Variants in MACF1 observed in about 807,000 individuals in gnomAD.
MACF1 encodes microtubule-actin cross-linking factor 1.
Under a neutral mutation model 854.8 loss-of-function variants are expected in MACF1, and 193 were observed. The ratio of observed to expected loss-of-function variants is 0.23; its 90% CI spans 0.20 to 0.25. The LOEUF is 0.25. Among genes scored for constraint, MACF1 ranks in the 10% least tolerant of loss-of-function variants. The pLI, the probability that MACF1 is intolerant of heterozygous loss-of-function variation, is 1.00. For synonymous variants in MACF1, 3,185 were observed against 3,226.7 expected, an observed-to-expected ratio of 0.99 and a Z score of 0.44; for missense variants, 7,722 against 8,929.1, an observed-to-expected ratio of 0.86 and a Z score of 5.45.
At chr1:39,156,862 TACTC>T (rs1300420011) in intron 2 of MACF1, among the ~76,000 whole-genome samples, 16 of 152,366 alleles carry the variant, frequency 1.1e-4, no homozygotes, top group Admixed American at 7.2e-4. Context: ...TAACTCCTAA[TACTC>T]ACATCTGCAC....
chr1:39,386,593 G>A (rs1432350202), intron 57 of MACF1, among the ~76,000 whole-genome samples: 1 of 152,146 alleles, frequency 6.6e-6, no homozygotes, highest in Admixed American at 6.6e-5. Context: ...CACCATGCCT[G>A]GCTAATTTTT....
At chr1:39,294,577 G>T (rs1645862124) in intron 18 of MACF1, among the ~76,000 whole-genome samples, 1 of 152,210 alleles carries the variant, frequency 6.6e-6, no homozygotes, top group Admixed American at 6.5e-5. Flanking sequence ...TGCTCTGAAA[G>T]CATAGTAAGG....
chr1:39,316,541 T>A lies in MACF1; in HGVS notation c.3588+12T>A, dbSNP rs779081068. The A allele has an allele frequency of 6.2e-7, 1 of 1,608,522 alleles. No individual in the cohort carries two copies. The highest frequency in any genetic ancestry group is 8.5e-7 in the Non-Finnish European group (1 of 1,176,616). ...GGTCGACATTACGGGTGAGTTGCTC[T>A]GAGTTTCTTAGGAGGTTGACCTAAC... On this transcript the variant is annotated intron_variant, in intron 28 of 100. Coordinates refer to ENST00000564288, the MANE Select transcript of MACF1 (RefSeq NM_001394062.1).
At chr1:39,401,862 A>G (rs972914432) in intron 58 of MACF1, among the ~76,000 whole-genome samples, 1 of 152,222 alleles carries the variant, frequency 6.6e-6, no homozygotes, top group Non-Finnish European at 1.5e-5. Flanking sequence ...AATGAAAGAG[A>G]TGGTTTTTAG....
chr1:39,196,161 C>T (rs1644317679), intron 2 of MACF1, among the ~76,000 whole-genome samples: 1 of 152,052 alleles, frequency 6.6e-6, no homozygotes, highest in Admixed American at 6.6e-5. Context: ...GTAACTTGCC[C>T]AAAGATGCTA....
At position 39,432,208 on chromosome 1, in the gene MACF1, G is replaced by C. The variant is rs540334708; in HGVS notation, c.17338-327G>C. Among the ~76,000 whole-genome samples the C allele has an allele frequency of 1.3e-4, 20 of 152,270 alleles. No individual in the cohort carries two copies. In the South Asian group the frequency reaches 3.7e-3, roughly 28 times the overall value. ...TAAACCTACTACTGTTCCATGTCTG[G>C]GTAGGAAAGAGCAATGGCAGGAAGA... On this transcript the variant is annotated intron_variant, in intron 66 of 100. Transcript: ENST00000564288.
intron 2 of MACF1, among the ~76,000 whole-genome samples, chr1:39,124,246 G>T (rs930317183): frequency 6.6e-6 from 1 of 152,084 alleles, no homozygotes; most frequent in African/African-American, 2.4e-5. Context: ...CCAAGTTTGT[G>T]ATTAGGTGGT....
At chr1:39,100,915 C>CGTGT (rs146599271) in intron 2 of MACF1, among the ~76,000 whole-genome samples, 11,782 of 151,310 alleles carry the variant, frequency 0.078, 530 homozygotes, top group Non-Finnish European at 0.095. Flanking sequence ...TGCACGCGCG[C>CGTGT]GTGTGTGTGT....
Position 39,477,832 on chromosome 1 carries a change from C to T in MACF1, c.21959-1966C>T, listed in dbSNP as rs574628682. Among the ~76,000 whole-genome samples, 4 of 152,214 alleles carry T rather than the reference C, an allele frequency of 2.6e-5. No individual in the cohort carries two copies. The East Asian group carries it at 7.7e-4, about 29-fold the overall frequency. The stretch of plus-strand genomic sequence containing the variant: ...AATTACAGTCAGCTGCATTATTGCA[C>T]ATTCTGTGAACTGTGCAGTGCATAG... On this transcript the variant is annotated intron_variant, in intron 97 of 100. Coordinates refer to ENST00000564288, the MANE Select transcript of MACF1 (RefSeq NM_001394062.1).
At chr1:39,310,533 T>C in intron 25 of MACF1, 105 bp downstream of exon 25, 1 of 1,218,912 alleles carries the variant, frequency 8.2e-7, no homozygotes, top group Non-Finnish European at 1.1e-6. Context: ...ACCACTTTTT[T>C]CCATTTGAGT....
In MACF1 at chr1:39,322,950, T is replaced by C. The variant is rs1646540655; in HGVS notation, c.4178T>C (p.Leu1393Ser). The stretch of plus-strand genomic sequence containing the variant: ...ACTCGCTACACGGCATTGGTGACTT[T>C]AACAACTCAGCACGTGAAATACATC... ...LRTRYTALVT[L>S]TTQHVKYISD... Residue 1393 changes from leucine to serine, a missense_variant, in exon 33 of 101, where the codon TTA becomes TCA. By Grantham distance (145) the Leu-to-Ser change is moderately radical (BLOSUM62 -2). This residue lies in a region of MACF1 where 1,137 missense variants were observed against 1,263.0 expected (regional missense o/e 0.90). Transcript: ENST00000564288. 8 of 1,614,000 alleles carry C rather than the reference T, an allele frequency of 5.0e-6. No individual in the cohort carries two copies. The highest frequency in any genetic ancestry group is 6.8e-6 in the Non-Finnish European group (8 of 1,179,994).
chr1:39,161,828 C>G (rs1449896526), intron 2 of MACF1, among the ~76,000 whole-genome samples: 1 of 151,644 alleles, frequency 6.6e-6, no homozygotes, highest in East Asian at 1.9e-4. Context: ...GATCGTGCCA[C>G]TGCACTCCAG....
intron 2 of MACF1, among the ~76,000 whole-genome samples, chr1:39,181,000 G>T (rs1413603707): frequency 6.6e-6 from 1 of 152,186 alleles, no homozygotes; most frequent in Non-Finnish European, 1.5e-5. Flanking sequence ...CTGCCTCCCG[G>T]GTTCAAGTGA....
intron 31 of MACF1, 134 bp downstream of exon 31, chr1:39,319,881 A>G (rs1425203854): frequency 1.6e-6 from 1 of 608,948 alleles, no homozygotes; most frequent in Non-Finnish European, 2.8e-6. Flanking sequence ...CCTTCAGTTA[A>G]GCAGATGTGT....
rs150753103 is a variant in MACF1 at position 39,109,325 on chromosome 1, A to G, written c.220+24887A>G. ...TGCTCTGTTGCTCAGGCTGGGATGC[A>G]GTGGCACGATCTCACCTCACTGCAA... On this transcript the variant is annotated intron_variant, in intron 2 of 93. Transcript: ENST00000361689. Among the ~76,000 whole-genome samples, 1,324 of 152,326 alleles carry G rather than the reference A, an allele frequency of 8.7e-3. 24 individuals carry two copies. The highest frequency in any genetic ancestry group is 0.03 in the African/African-American group (1,258 of 41,574).
At chr1:39,288,489 C>T (rs1323419247) in intron 15 of MACF1, among the ~76,000 whole-genome samples, 1 of 142,610 alleles carries the variant, frequency 7.0e-6, no homozygotes, top group Non-Finnish European at 1.5e-5. Flanking sequence ...TAGAGTGAGA[C>T]TCCATCTAAA....
intron 6 of MACF1, among the ~76,000 whole-genome samples, chr1:39,258,869 C>G (rs1344078821): frequency 6.6e-6 from 1 of 152,118 alleles, no homozygotes; most frequent in South Asian, 2.1e-4. Context: ...CAGGTGTCCC[C>G]GAATTCCTGA....
rs181486741 is a variant in MACF1, at chr1:39,296,962, C to T, written c.2356-658C>T. Among the ~76,000 whole-genome samples, 1,429 of 151,882 alleles carry T rather than the reference C, an allele frequency of 9.4e-3. 11 individuals are homozygous for T. The highest frequency in any genetic ancestry group is 0.024 in the Middle Eastern group (7 of 294). On this transcript the variant is annotated intron_variant, in intron 20 of 100. Coordinates refer to ENST00000564288, the MANE Select transcript of MACF1 (RefSeq NM_001394062.1). ...TTTTTGAGACAGAGTCTCACTCTGT[C>T]GCCCAGGCTGGAGTGCAGTGGCACG...
intron 58 of MACF1, among the ~76,000 whole-genome samples, chr1:39,418,575 T>A (rs1643416138): frequency 6.6e-6 from 1 of 152,188 alleles, no homozygotes; most frequent in Admixed American, 6.5e-5. Context: ...AAAAATGCAA[T>A]AACAAGGCTG....
Sources: gnomAD v4.1 joint callset for allele counts (sites outside exome capture counted in the v4.1 genomes callset) on GRCh38, gnomAD v4.1.1 for gene constraint, gnomAD v4.1.1 regional missense constraint, MANE v1.5 for transcripts, NCBI Gene and HGNC (gene_info 2026-07-23, HGNC 2026-07-21) for gene names.